Variants in CTNND2 observed in about 807,000 individuals in gnomAD.
The protein encoded by CTNND2 is catenin delta-2.
Under a neutral mutation model 144.4 loss-of-function variants are expected in CTNND2, and 22 were observed. The observed-to-expected ratio is 0.15, with a 90% CI of 0.11 to 0.22. The LOEUF (loss-of-function observed/expected upper bound fraction) is 0.22, where lower values mean the gene tolerates loss of function less well. Among genes scored for constraint, CTNND2 ranks in the 10% least tolerant of loss-of-function variants. The pLI is 1.00. For missense variants in CTNND2, 1,353 were observed against 1,618.8 expected, an observed-to-expected ratio of 0.84 and a Z score of 2.82; for synonymous variants, 751 against 695.6, an observed-to-expected ratio of 1.08 and a Z score of -1.25.
intron 2 of CTNND2, among the ~76,000 whole-genome samples, chr5:11,678,745 C>T (rs1297888886): frequency 6.6e-6 from 1 of 151,916 alleles, no homozygotes; most frequent in African/African-American, 2.4e-5. Flanking sequence ...TTTTAAAGTA[C>T]TATATTAAGA....
At chr5:11,147,912 C>T (rs1344964845) in intron 12 of CTNND2, among the ~76,000 whole-genome samples, 2 of 152,110 alleles carry the variant, frequency 1.3e-5, no homozygotes, top group African/African-American at 4.8e-5. Flanking sequence ...GAAGAGTGAA[C>T]ACAGCTCACA....
intron 12 of CTNND2, among the ~76,000 whole-genome samples, chr5:11,132,297 G>C (rs1755699927): frequency 6.6e-6 from 1 of 152,158 alleles, no homozygotes; most frequent in Non-Finnish European, 1.5e-5. Context: ...CGGGTATCCG[G>C]CCCTCTCTGC....
chr5:11,283,618 A>G (rs1337258213), intron 9 of CTNND2, among the ~76,000 whole-genome samples: 3 of 141,172 alleles, frequency 2.1e-5, no homozygotes, highest in East Asian at 2.4e-4. Context: ...AGGTTGCAGT[A>G]AGCCAAGACT....
chr5:11,086,791 A>G (rs757168884), intron 15 of CTNND2, among the ~76,000 whole-genome samples: 7 of 152,160 alleles, frequency 4.6e-5, no homozygotes, highest in African/African-American at 7.2e-5. Flanking sequence ...GATGGTCATA[A>G]TTTTTCCAAA....
chr5:11,590,766 G>C (rs542700331), intron 2 of CTNND2, among the ~76,000 whole-genome samples: 56 of 149,590 alleles, frequency 3.7e-4, no homozygotes, highest in Middle Eastern at 3.4e-3. Context: ...CTCCCTGCCC[G>C]CAAAAAAACT....
rs534408462 is a variant in CTNND2, at chr5:11,170,591, T to TAC, written c.1976-10834_1976-10833dup. Among the ~76,000 whole-genome samples, 7 of 151,228 alleles carry TAC rather than the reference T, an allele frequency of 4.6e-5. No homozygotes were observed. The South Asian group carries it at 6.2e-4, about 13-fold the overall frequency. On this transcript the variant is annotated intron_variant, in intron 11 of 21. Transcript: ENST00000304623. ...ACATACACACACATACACACACACATACACACACACACAGCTACAACCTTC... is the reference window on the plus strand; with the variant it reads ...ACATACACACACATACACACACACATACACACACACACACAGCTACAACCTTC...
At chr5:11,513,400 A>G in intron 3 of CTNND2, among the ~76,000 whole-genome samples, 1 of 152,174 alleles carries the variant, frequency 6.6e-6, no homozygotes, top group South Asian at 2.1e-4. Flanking sequence ...TACCCTCAAG[A>G]TACTCTCACA....
chr5:10,985,143 C>CA (rs796607662), intron 20 of CTNND2, among the ~76,000 whole-genome samples: 1 of 151,762 alleles, frequency 6.6e-6, no homozygotes, highest in African/African-American at 2.4e-5. Flanking sequence ...AAGACACTGA[C>CA]AAAAAACAAA....
chr5:11,224,891 T>C (rs1365714211), intron 10 of CTNND2, among the ~76,000 whole-genome samples: 1 of 152,228 alleles, frequency 6.6e-6, no homozygotes, highest in African/African-American at 2.4e-5. Flanking sequence ...TCTTTGTTTT[T>C]ATCATACTTT....
At chr5:11,584,273 A>C (rs1044484680) in intron 2 of CTNND2, among the ~76,000 whole-genome samples, 2 of 152,156 alleles carry the variant, frequency 1.3e-5, no homozygotes, top group Non-Finnish European at 2.9e-5. Flanking sequence ...CACGTATGCA[A>C]ATGTTACTCT....
At chr5:11,129,353 G>A (rs994601752) in intron 12 of CTNND2, among the ~76,000 whole-genome samples, 7 of 101,960 alleles carry the variant, frequency 6.9e-5, no homozygotes, top group African/African-American at 3.4e-4. Flanking sequence ...ATTCTTCCTC[G>A]GAGCATGTGG....
intron 18 of CTNND2, among the ~76,000 whole-genome samples, chr5:11,006,598 T>C (rs1740506988): frequency 6.6e-6 from 1 of 152,192 alleles, no homozygotes; most frequent in Admixed American, 6.5e-5. Context: ...CCTCCCTAAG[T>C]CACACAGGCA....
intron 12 of CTNND2, among the ~76,000 whole-genome samples, chr5:11,132,384 A>C (rs1207621118): frequency 6.6e-6 from 1 of 152,158 alleles, no homozygotes; most frequent in African/African-American, 2.4e-5. Flanking sequence ...CCCCCATGTC[A>C]CAGTGTTACT....
chr5:11,241,074 A>AAC (rs921495905), intron 9 of CTNND2, among the ~76,000 whole-genome samples: 1 of 147,186 alleles, frequency 6.8e-6, no homozygotes, highest in Non-Finnish European at 1.5e-5. Flanking sequence ...CCTAACACCC[A>AAC]ACACACACAC....
At chr5:11,640,914 G>T (rs1286226432) in intron 2 of CTNND2, among the ~76,000 whole-genome samples, 8 of 152,140 alleles carry the variant, frequency 5.3e-5, no homozygotes, top group African/African-American at 1.7e-4. Context: ...GTATATCCCA[G>T]ATGGCATTAG....
At chr5:11,409,937 C>A (rs1761382466) in intron 5 of CTNND2, among the ~76,000 whole-genome samples, 1 of 151,906 alleles carries the variant, frequency 6.6e-6, no homozygotes, top group African/African-American at 2.4e-5. Flanking sequence ...TTTTATTTAA[C>A]TCATTAATTA....
chr5:11,560,530 T>C (rs1333177367), intron 3 of CTNND2, among the ~76,000 whole-genome samples: 2 of 152,220 alleles, frequency 1.3e-5, no homozygotes, highest in Non-Finnish European at 2.9e-5. Flanking sequence ...GAGAAATCCC[T>C]ACCCATTCTT....
Position 11,564,230 on chromosome 5 carries a change from G to A in CTNND2, c.287+714C>T, listed in dbSNP as rs112998515. ...GTTTTCTCCCTAAAAATGTAGTAGA[G>A]TGCCAAAAACACACCATCTAACAAG... On this transcript the variant is annotated intron_variant, in intron 3 of 21. Transcript: ENST00000304623. 4.0e-3 allele frequency among the ~76,000 whole-genome samples: 614 copies of A among 152,290 alleles called. 4 individuals carry two copies. Among genetic ancestry groups the A allele is most frequent in the African/African-American group, 0.014 (580 of 41,556 alleles).
At chr5:11,312,391 G>A (rs112333295) in intron 9 of CTNND2, among the ~76,000 whole-genome samples, 2,093 of 152,098 alleles carry the variant, frequency 0.014, 45 homozygotes, top group African/African-American at 0.047. Flanking sequence ...TGGCTGGGGA[G>A]GCCTCAGAAT....
Sources: gnomAD v4.1 joint callset for allele counts (sites outside exome capture counted in the v4.1 genomes callset) on GRCh38, gnomAD v4.1.1 for gene constraint, MANE v1.5 for transcripts, NCBI Gene and HGNC (gene_info 2026-07-23, HGNC 2026-07-21) for gene names.